TRIO: variants seen among roughly 807,000 people sequenced by gnomAD.
The protein encoded by TRIO is trio Rho guanine nucleotide exchange factor, also known as triple functional domain protein.
TRIO carries 58 observed loss-of-function variants against 351.9 expected under a neutral mutation model. The observed-to-expected ratio is 0.16, with a 90% CI of 0.13 to 0.21. The LOEUF (loss-of-function observed/expected upper bound fraction) is 0.21. TRIO is among the 10% of genes least tolerant of loss of function. TRIO has a pLI of 1.00. For synonymous variants in TRIO, 1,758 were observed against 1,595.7 expected, an observed-to-expected ratio of 1.10 and a Z score of -2.42; for missense variants, 3,201 against 4,027.8, an observed-to-expected ratio of 0.79 and a Z score of 5.56.
intron 1 of TRIO, among the ~76,000 whole-genome samples, chr5:14,166,721 A>G (rs546179711): frequency 4.6e-5 from 7 of 152,322 alleles, no homozygotes; most frequent in Admixed American, 4.6e-4. Context: ...GGGACGTGGT[A>G]ACTATTGAGC....
In TRIO at chr5:14,359,408, C is replaced by T. The variant is rs537368455; in HGVS notation, c.2268C>T (p.His756=). The T allele has an allele frequency of 6.8e-6, 11 of 1,614,280 alleles. No individual in the cohort carries two copies. Among genetic ancestry groups the T allele is most frequent in the South Asian group, 5.5e-5 (5 of 91,088 alleles). The change falls in exon 13 of 57, where the codon CAC becomes CAT. Residue 756 remains histidine (H), a synonymous_variant. Transcript: ENST00000344204. ...NKTPHNSSIN[H]IETVLQQLDE... is the part of the protein sequence containing the mutation. ...CCCCCCACAACAGCTCCATCAACCA[C>T]ATTGAGACGGTGCTGCAGCAGCTGG... is the stretch of plus-strand genomic sequence containing the variant.
intron 1 of TRIO, among the ~76,000 whole-genome samples, chr5:14,239,638 A>G (rs1794008221): frequency 6.6e-6 from 1 of 152,172 alleles, no homozygotes; most frequent in Non-Finnish European, 1.5e-5. Context: ...GCCCAAGGTC[A>G]CCTAGTTGCA....
chr5:14,310,970 G>A (rs574346925), intron 8 of TRIO, among the ~76,000 whole-genome samples: 47 of 152,248 alleles, frequency 3.1e-4, no homozygotes, highest in Non-Finnish European at 5.9e-4. Flanking sequence ...ACAGGCGTGA[G>A]CCACCACGCC....
intron 31 of TRIO, among the ~76,000 whole-genome samples, chr5:14,401,542 CGGAG>C (rs1748069845): frequency 6.6e-6 from 1 of 151,982 alleles, no homozygotes; most frequent in African/African-American, 2.4e-5. Context: ...AGTTTGGAGA[CGGAG>C]GGAAAGAGGA....
chr5:14,253,513 T>C (rs1794860901), intron 1 of TRIO, among the ~76,000 whole-genome samples: 1 of 152,128 alleles, frequency 6.6e-6, no homozygotes, highest in South Asian at 2.1e-4. Flanking sequence ...CTGATTTCTT[T>C]TTTTTTGTGG....
At chr5:14,398,562 G>C (rs948072266) in intron 29 of TRIO, among the ~76,000 whole-genome samples, 1 of 152,192 alleles carries the variant, frequency 6.6e-6, no homozygotes, top group Non-Finnish European at 1.5e-5. Flanking sequence ...GCAGGAGAGG[G>C]CTGAAGAGAA....
Position 14,480,025 on chromosome 5 carries a change from G to A in TRIO, c.6336+14G>A, listed in dbSNP as rs543150202. The A allele has an allele frequency of 8.4e-5, 135 of 1,612,846 alleles. No individual in the cohort carries two copies. In the South Asian group the frequency reaches 1.0e-3, roughly 12 times the overall value. ...CTGTTACTGAAGGTGAGGAGGTGGC[G>A]GGACAAACTCTGGTGTCAGGAGTGA... On this transcript the variant is annotated intron_variant, in intron 43 of 56. Coordinates refer to ENST00000344204, the MANE Select transcript of TRIO (RefSeq NM_007118.4).
intron 2 of TRIO, among the ~76,000 whole-genome samples, chr5:14,279,352 T>G (rs1318865696): frequency 6.8e-6 from 1 of 148,104 alleles, no homozygotes; most frequent in African/African-American, 2.4e-5. Flanking sequence ...GAAAGAATCT[T>G]CTGGGTTTTT....
intron 34 of TRIO, among the ~76,000 whole-genome samples, chr5:14,460,076 C>T (rs1056067681): frequency 8.6e-5 from 13 of 152,030 alleles, no homozygotes; most frequent in Non-Finnish European, 1.5e-4. Context: ...CCACCACACC[C>T]GGCTAATTTT....
chr5:14,297,986 G>T (rs1322520215), intron 7 of TRIO, among the ~76,000 whole-genome samples: 1 of 152,210 alleles, frequency 6.6e-6, no homozygotes, highest in Non-Finnish European at 1.5e-5. Context: ...TAGTCTTGGG[G>T]TGCACATCCA....
intron 8 of TRIO, among the ~76,000 whole-genome samples, chr5:14,314,165 A>G (rs1418414138): frequency 1.3e-5 from 2 of 152,270 alleles, no homozygotes; most frequent in South Asian, 2.1e-4. Context: ...CAGCACTCCA[A>G]TGATATAACA....
At chr5:14,458,622 C>G (rs1173713940) in intron 34 of TRIO, among the ~76,000 whole-genome samples, 2 of 152,210 alleles carry the variant, frequency 1.3e-5, no homozygotes, top group East Asian at 1.9e-4. Flanking sequence ...GGGCTTGGCT[C>G]CAAGTCACAG....
intron 11 of TRIO, among the ~76,000 whole-genome samples, chr5:14,344,308 AT>A (rs1742210593): frequency 6.6e-6 from 1 of 152,242 alleles, no homozygotes; most frequent in South Asian, 2.1e-4. Flanking sequence ...TGGCATACTG[AT>A]TTTAAAAAAC....
At chr5:14,284,924 T>A (rs543555350) in intron 3 of TRIO, among the ~76,000 whole-genome samples, 6 of 152,310 alleles carry the variant, frequency 3.9e-5, no homozygotes, top group Admixed American at 3.3e-4. Context: ...TGCCTCTTCC[T>A]GCTTAGGCTG....
chr5:14,495,683 AAAAG>A (rs1756840190), intron 49 of TRIO, among the ~76,000 whole-genome samples: 2 of 149,284 alleles, frequency 1.3e-5, no homozygotes, highest in South Asian at 2.1e-4. Context: ...AAAAAAAAAA[AAAAG>A]GCCAGGCGTG....
chr5:14,390,131 C>A, intron 25 of TRIO, 100 bp from the exon 26 acceptor site: 1 of 1,068,636 alleles, frequency 9.4e-7, no homozygotes, highest in Non-Finnish European at 1.4e-6. Context: ...ATGTTTTGTT[C>A]ATTCTTTAGG....
intron 9 of TRIO, among the ~76,000 whole-genome samples, chr5:14,317,183 T>G (rs1332058257): frequency 6.6e-6 from 1 of 152,194 alleles, no homozygotes; most frequent in East Asian, 1.9e-4. Flanking sequence ...TTAGTTGTCT[T>G]GTTGATGAAA....
At chr5:14,355,320 T>C (rs913948607) in intron 11 of TRIO, among the ~76,000 whole-genome samples, 1 of 152,250 alleles carries the variant, frequency 6.6e-6, no homozygotes, top group Non-Finnish European at 1.5e-5. Context: ...TTAGAGCAAA[T>C]CTTGCCTGTT....
intron 54 of TRIO, among the ~76,000 whole-genome samples, chr5:14,503,385 A>C (rs1048068291): frequency 6.6e-6 from 1 of 152,266 alleles, no homozygotes; most frequent in African/African-American, 2.4e-5. Flanking sequence ...CTGCATAAAA[A>C]GTCACACCAG....
Sources: allele counts gnomAD v4.1 joint callset (sites outside exome capture counted in the v4.1 genomes callset), GRCh38; gene constraint gnomAD v4.1.1; transcripts MANE v1.5; gene names NCBI Gene and HGNC (gene_info 2026-07-23, HGNC 2026-07-21).